The following IL1RAP variants were observed in gnomAD, a reference collection of about 807,000 sequenced individuals.
The protein encoded by IL1RAP is interleukin 1 receptor accessory protein.
In IL1RAP, 35 loss-of-function variants were observed where a neutral mutation model predicts 60.7. The ratio of observed to expected loss-of-function variants is 0.58; its 90% CI spans 0.44 to 0.76. IL1RAP has a LOEUF of 0.76. IL1RAP is among the 30% of genes least tolerant of loss of function. The pLI is 0.00. For missense variants in IL1RAP, 572 were observed against 693.9 expected (o/e 0.82, Z 1.97); for synonymous variants, 268 against 250.9 (o/e 1.07, Z -0.64).
At chr3:190,561,311 T>C (rs145812485) in intron 2 of IL1RAP, among the ~76,000 whole-genome samples, 1 of 152,308 alleles carries the variant, frequency 6.6e-6, no homozygotes, top group Non-Finnish European at 1.5e-5. Flanking sequence ...GCCAGGCGCC[T>C]CCCAATAACA....
intron 2 of IL1RAP, among the ~76,000 whole-genome samples, chr3:190,562,841 A>G (rs748186257): frequency 1.3e-5 from 2 of 152,162 alleles, no homozygotes; most frequent in Non-Finnish European, 2.9e-5. Flanking sequence ...ATGGAGAGAA[A>G]AAGATTTCCC....
chr3:190,625,096 A>T (rs1029285179), intron 7 of IL1RAP: 1 of 152,998 alleles, frequency 6.5e-6, no homozygotes, highest in African/African-American at 2.4e-5. Context: ...TGGAACATAG[A>T]TGTGGACCTC....
chr3:190,570,701 G>A (rs1352868476), intron 3 of IL1RAP, among the ~76,000 whole-genome samples: 1 of 152,184 alleles, frequency 6.6e-6, no homozygotes, highest in East Asian at 1.9e-4. Context: ...TAGTAGCTGG[G>A]ATTACAGGCA....
rs756446753 is a variant in IL1RAP, at chr3:190,604,384, T to C, written c.321T>C (p.Asn107=). ...TGTGGTTCCGGCCCACTCTCCTCAA[T>C]GACACTGGCAACTATACCTGCATGT... ...DVLWFRPTLL[N]DTGNYTCMLR... Residue 107 remains asparagine, a synonymous_variant, in exon 4 of 12, where the codon AAT becomes AAC. Transcript: ENST00000447382. 4 of 1,613,596 alleles carry C rather than the reference T, an allele frequency of 2.5e-6. No homozygotes were observed. In the African/African-American group the frequency reaches 5.3e-5, roughly 22 times the overall value.
chr3:190,534,503 C>T (rs1408991754), intron 1 of IL1RAP, among the ~76,000 whole-genome samples: 1 of 152,022 alleles, frequency 6.6e-6, no homozygotes, highest in Admixed American at 6.5e-5. Context: ...GACCTTGGGC[C>T]GAGATTTCCC....
chr3:190,627,199 A>G (rs1302231859), intron 7 of IL1RAP, 124 bp from the exon 8 acceptor site: 7 of 749,984 alleles, frequency 9.3e-6, no homozygotes, highest in Non-Finnish European at 8.4e-6. Context: ...GCCAGAGAGT[A>G]GAACCAATAT....
In IL1RAP at chr3:190,582,714, A is replaced by G. The variant is rs140765526; in HGVS notation, c.64+18361A>G. ...CTTCACACAGTAACCAGTGTTACCT[A>G]TTTCAAATTGTAAATTAAATCAGGT... is the stretch of plus-strand genomic sequence containing the variant. On this transcript the variant is annotated intron_variant, in intron 3 of 11. Transcript: ENST00000447382. 1.5e-4 allele frequency among the ~76,000 whole-genome samples: 23 copies of G among 152,292 alleles called. No homozygotes were observed. The East Asian group carries it at 3.9e-3, about 26-fold the overall frequency.
intron 1 of IL1RAP, among the ~76,000 whole-genome samples, chr3:190,529,277 C>A (rs968992077): frequency 6.6e-6 from 1 of 152,092 alleles, no homozygotes; most frequent in Non-Finnish European, 1.5e-5. Context: ...AGTGGCTCAG[C>A]CTGTAATCCC....
intron 2 of IL1RAP, among the ~76,000 whole-genome samples, chr3:190,560,093 T>C (rs1725756867): frequency 6.6e-6 from 1 of 152,244 alleles, no homozygotes; most frequent in South Asian, 2.1e-4. Context: ...CTATCCCTTT[T>C]GTGTAGAATG....
downstream of IL1RAP, among the ~76,000 whole-genome samples, chr3:190,653,322 A>G (rs1734485774): frequency 6.6e-6 from 1 of 152,210 alleles, no homozygotes; most frequent in African/African-American, 2.4e-5. Flanking sequence ...ATTCACATGT[A>G]GGCATCTAAT....
At chr3:190,539,570 C>T (rs1423001053) in intron 1 of IL1RAP, among the ~76,000 whole-genome samples, 6 of 151,862 alleles carry the variant, frequency 4.0e-5, no homozygotes, top group East Asian at 1.9e-4. Context: ...TTATTCTACT[C>T]GTATTCCAAT....
chr3:190,583,106 G>A (rs909619209), intron 3 of IL1RAP, among the ~76,000 whole-genome samples: 1 of 152,136 alleles, frequency 6.6e-6, no homozygotes, highest in African/African-American at 2.4e-5. Context: ...CACTTTATAC[G>A]CTGTACGTCT....
intron 8 of IL1RAP, among the ~76,000 whole-genome samples, chr3:190,627,799 A>T (rs1732437618): frequency 1.3e-5 from 2 of 152,194 alleles, no homozygotes; most frequent in Non-Finnish European, 2.9e-5. Flanking sequence ...ATCTTACATG[A>T]ATAAAAAGGT....
At chr3:190,637,802 T>G (rs535757700) in intron 9 of IL1RAP, among the ~76,000 whole-genome samples, 3 of 151,960 alleles carry the variant, frequency 2.0e-5, no homozygotes, top group Non-Finnish European at 2.9e-5. Context: ...CCCCAAACAA[T>G]ACAACTGTTT....
chr3:190,591,213 G>A (rs571273544), intron 3 of IL1RAP, among the ~76,000 whole-genome samples: 3 of 152,256 alleles, frequency 2.0e-5, no homozygotes, highest in South Asian at 2.1e-4. Flanking sequence ...CCAGCTCTCC[G>A]CTAAACACAT....
At chr3:190,609,776 A>G (rs1730661984) in intron 5 of IL1RAP, among the ~76,000 whole-genome samples, 1 of 152,222 alleles carries the variant, frequency 6.6e-6, no homozygotes, top group East Asian at 1.9e-4. Flanking sequence ...GTGACTAGTT[A>G]TCCATAGGAA....
Position 190,648,548 on chromosome 3 carries a change from C to A in IL1RAP, c.1556C>A (p.Thr519Lys). 6.2e-7 allele frequency: 1 copy of A among 1,614,050 alleles called. No homozygotes were observed. Among genetic ancestry groups the A allele is most frequent in the Non-Finnish European group, 8.5e-7 (1 of 1,180,012 alleles). ...GTGAAAGAGCTGAAGAGGGCTAAGACGGTGCTCACGGTCATTAAATGGAAA... is the reference window on the plus strand; with the variant it reads ...GTGAAAGAGCTGAAGAGGGCTAAGAAGGTGCTCACGGTCATTAAATGGAAA... ...TKVKELKRAK[T>K]VLTVIKWKGE... Residue 519 changes from threonine to lysine, a missense_variant, in exon 12 of 12, where the codon ACG (threonine) becomes AAG (lysine). By Grantham distance (78) the Thr-to-Lys change is moderately conservative (BLOSUM62 -1). Coordinates refer to ENST00000447382, the MANE Select transcript of IL1RAP (RefSeq NM_002182.4).
At position 190,537,542 on chromosome 3, in the gene IL1RAP, G is replaced by A. The variant is rs558177844; in HGVS notation, c.-88-18588G>A. ...CTGAATGGTGAACACTTTAAGGAGC[G>A]TGGGAACAGGCCATATTTTGTTTTG... On this transcript the variant is annotated intron_variant, in intron 1 of 11. Transcript: ENST00000447382. Among the ~76,000 whole-genome samples the A allele has an allele frequency of 3.9e-5, 6 of 152,254 alleles. No individual in the cohort carries two copies. The South Asian group carries it at 8.3e-4, about 21-fold the overall frequency.
At chr3:190,584,574 A>G (rs892060755) in intron 3 of IL1RAP, among the ~76,000 whole-genome samples, 1 of 152,218 alleles carries the variant, frequency 6.6e-6, no homozygotes. Context: ...GTTTTACAGT[A>G]GTATCTTGTG....
Sources: allele counts gnomAD v4.1 joint callset (sites outside exome capture counted in the v4.1 genomes callset), GRCh38; gene constraint gnomAD v4.1.1; transcripts MANE v1.5; gene names NCBI Gene and HGNC (gene_info 2026-07-23, HGNC 2026-07-21).